TMCC1: variants seen among roughly 807,000 people sequenced by gnomAD.
The protein encoded by TMCC1 is transmembrane and coiled-coil domains protein 1.
TMCC1 carries 15 observed loss-of-function variants against 52.4 expected under a neutral mutation model. The observed-to-expected ratio is 0.29, with a 90% CI of 0.19 to 0.44. The LOEUF is 0.44. Among genes scored for constraint, TMCC1 ranks in the 20% least tolerant of loss-of-function variants. TMCC1 has a pLI of 1.00. For missense variants in TMCC1, 503 were observed against 806.0 expected, an observed-to-expected ratio of 0.62 and a Z score of 4.55; for synonymous variants, 279 against 301.9, an observed-to-expected ratio of 0.92 and a Z score of 0.79.
At chr3:129,816,610 G>A (rs1190304599) in intron 4 of TMCC1, among the ~76,000 whole-genome samples, 1 of 151,966 alleles carries the variant, frequency 6.6e-6, no homozygotes, top group African/African-American at 2.4e-5. Context: ...GAAGGAGAGA[G>A]GTTGATTAAT....
intron 5 of TMCC1, among the ~76,000 whole-genome samples, chr3:129,655,819 G>A (rs138986001): frequency 3.3e-4 from 51 of 152,314 alleles, no homozygotes; most frequent in African/African-American, 1.1e-3. Flanking sequence ...ACAGAGTGCC[G>A]GTGATCGCCT....
intron 5 of TMCC1, among the ~76,000 whole-genome samples, chr3:129,656,143 A>G (rs950064633): frequency 3.3e-5 from 5 of 152,222 alleles, no homozygotes; most frequent in Admixed American, 3.3e-4. Context: ...ATAGTGGTGA[A>G]GAAGACCGAC....
intron 4 of TMCC1, among the ~76,000 whole-genome samples, chr3:129,741,503 A>C (rs1241733509): frequency 6.6e-6 from 1 of 152,162 alleles, no homozygotes; most frequent in Non-Finnish European, 1.5e-5. Context: ...CACACACCTA[A>C]TATAGATTAT....
At chr3:129,789,673 G>T (rs1277846636) in intron 4 of TMCC1, among the ~76,000 whole-genome samples, 4 of 152,080 alleles carry the variant, frequency 2.6e-5, no homozygotes, top group Admixed American at 1.3e-4. Context: ...GTAGAGACGG[G>T]GTTTCACCGT....
chr3:129,860,905 C>T (rs1297849214), intron 2 of TMCC1: 4 of 152,164 alleles, frequency 2.6e-5, no homozygotes, highest in African/African-American at 7.2e-5. Flanking sequence ...GCCACTTTTA[C>T]AATCCAAAGA....
chr3:129,785,080 G>C (rs145060144), intron 4 of TMCC1, among the ~76,000 whole-genome samples: 1 of 152,262 alleles, frequency 6.6e-6, no homozygotes, highest in Non-Finnish European at 1.5e-5. Context: ...CAAATATTTG[G>C]AGGAAAAGTT....
intron 4 of TMCC1, among the ~76,000 whole-genome samples, chr3:129,724,503 T>C (rs1015413601): frequency 6.6e-6 from 1 of 152,196 alleles, no homozygotes; most frequent in African/African-American, 2.4e-5. Context: ...GACTTTACTA[T>C]GGAACAGGGA....
At chr3:129,669,561 A>C (rs554253797) in intron 5 of TMCC1, among the ~76,000 whole-genome samples, 6 of 151,880 alleles carry the variant, frequency 4.0e-5, no homozygotes, top group Non-Finnish European at 7.4e-5. Context: ...CAGCCTCCTG[A>C]GTAGCTGGGA....
Position 129,798,942 on chromosome 3 carries a change from AAAT to A in TMCC1, c.576+28858_576+28860del, listed in dbSNP as rs1219301456. 2.0e-5 allele frequency among the ~76,000 whole-genome samples: 3 copies of A among 152,334 alleles called. No homozygotes were observed. The East Asian group carries it at 5.8e-4, about 29-fold the overall frequency. On this transcript the variant is annotated intron_variant, in intron 4 of 6. Coordinates refer to ENST00000393238, the MANE Select transcript of TMCC1 (RefSeq NM_001017395.5). ...GAGATTCTTTTGGCAATCCCACAAT[AAAT>A]AACAATACAGATAGCATATTTTATT...
At chr3:129,687,074 G>GT (rs2089459238) in intron 4 of TMCC1, among the ~76,000 whole-genome samples, 1 of 152,030 alleles carries the variant, frequency 6.6e-6, no homozygotes, top group Admixed American at 6.6e-5. Context: ...AGAGGAAAAG[G>GT]TCAGTAAACA....
intron 4 of TMCC1, among the ~76,000 whole-genome samples, chr3:129,759,280 T>C (rs890435072): frequency 4.6e-5 from 7 of 152,038 alleles, no homozygotes; most frequent in Admixed American, 4.6e-4. Context: ...TTTTTTTTTT[T>C]TTTTTGAGAC....
At chr3:129,661,446 A>T (rs779076261) in intron 5 of TMCC1, among the ~76,000 whole-genome samples, 1 of 152,076 alleles carries the variant, frequency 6.6e-6, no homozygotes, top group Non-Finnish European at 1.5e-5. Context: ...AAAAACCCAC[A>T]AACAAAAACA....
intron 4 of TMCC1, among the ~76,000 whole-genome samples, chr3:129,760,452 C>CTG (rs1491184427): frequency 3.5e-4 from 24 of 68,444 alleles, no homozygotes; most frequent in Non-Finnish European, 6.0e-4. Context: ...GACAGTCTCG[C>CTG]TCTGTGTGTG....
intron 4 of TMCC1, among the ~76,000 whole-genome samples, chr3:129,714,815 A>G (rs749656635): frequency 6.6e-6 from 1 of 152,176 alleles, no homozygotes; most frequent in Non-Finnish European, 1.5e-5. Context: ...TCTTCCACCC[A>G]TCTATCAATC....
At chr3:129,666,113 C>T (rs771973722) in intron 5 of TMCC1, among the ~76,000 whole-genome samples, 3 of 152,210 alleles carry the variant, frequency 2.0e-5, no homozygotes, top group Non-Finnish European at 4.4e-5. Context: ...AGTCCATCCA[C>T]AGCCTACTTT....
At chr3:129,815,607 T>G (rs2107803678) in intron 4 of TMCC1, among the ~76,000 whole-genome samples, 1 of 152,178 alleles carries the variant, frequency 6.6e-6, no homozygotes, top group South Asian at 2.1e-4. Context: ...CAAAAGGGAT[T>G]AACAACTTAA....
rs1448088482 is a variant in TMCC1 at position 129,655,785 on chromosome 3, AAAG to A, written c.1512-685_1512-683del. On this transcript the variant is annotated intron_variant, in intron 5 of 6. Coordinates refer to ENST00000393238, the MANE Select transcript of TMCC1 (RefSeq NM_001017395.5). ...GATTTCCCATATGGAGAAGTAAAAC[AAAG>A]AAGATCAGTAGAGGTATAAGACAGA... Among the ~76,000 whole-genome samples the A allele has an allele frequency of 4.6e-5, 7 of 152,360 alleles. No homozygotes were observed. In the South Asian group the frequency reaches 1.2e-3, roughly 27 times the overall value.
chr3:129,770,607 G>T (rs540477720), intron 4 of TMCC1, among the ~76,000 whole-genome samples: 4 of 126,552 alleles, frequency 3.2e-5, no homozygotes, highest in South Asian at 2.5e-4. Flanking sequence ...TAAAATAAAT[G>T]AAATGAAATG....
chr3:129,774,594 A>C (rs976101985), intron 4 of TMCC1, among the ~76,000 whole-genome samples: 2 of 152,198 alleles, frequency 1.3e-5, no homozygotes, highest in African/African-American at 2.4e-5. Flanking sequence ...AATACAAAAG[A>C]GGGGCAACTA....
Sources: allele counts gnomAD v4.1 joint callset (sites outside exome capture counted in the v4.1 genomes callset), GRCh38; gene constraint gnomAD v4.1.1; transcripts MANE v1.5; gene names NCBI Gene and HGNC (gene_info 2026-07-23, HGNC 2026-07-21).